Variants in GRAMD4 observed in about 807,000 individuals in gnomAD.
GRAMD4 encodes the protein GRAM domain-containing protein 4.
Under a neutral mutation model 83.9 loss-of-function variants are expected in GRAMD4, and 25 were observed. That is an observed-to-expected ratio of 0.30 (90% CI 0.22 to 0.42). The LOEUF (loss-of-function observed/expected upper bound fraction) is 0.42. Ranked by LOEUF, GRAMD4 falls within the 10% of genes least tolerant of loss-of-function variation. GRAMD4 has a pLI of 1.00. For missense variants in GRAMD4, 593 were observed against 788.7 expected (o/e 0.75, Z 2.97); for synonymous variants, 336 against 320.9 (o/e 1.05, Z -0.50).
At chr22:46,681,422 T>C (rs1227780054), downstream of GRAMD4, among the ~76,000 whole-genome samples, 1 of 152,286 alleles carries the variant, frequency 6.6e-6, no homozygotes, top group Non-Finnish European at 1.5e-5. Flanking sequence ...GTGATAACTA[T>C]TTCAGTGCAG....
intron 3 of GRAMD4, among the ~76,000 whole-genome samples, chr22:46,640,827 C>T (rs947476051): frequency 6.6e-6 from 1 of 151,014 alleles, no homozygotes; most frequent in Non-Finnish European, 1.5e-5. Flanking sequence ...CCCCGGCCCC[C>T]CGCCCCCCGC....
At chr22:46,667,799 A>G (rs2082433286) in intron 10 of GRAMD4, among the ~76,000 whole-genome samples, 1 of 152,218 alleles carries the variant, frequency 6.6e-6, no homozygotes, top group Non-Finnish European at 1.5e-5. Flanking sequence ...CCTGCCTGTA[A>G]GTGAGGGAGG....
chr22:46,653,030 G>T (rs1005244924), intron 3 of GRAMD4, among the ~76,000 whole-genome samples: 1 of 152,218 alleles, frequency 6.6e-6, no homozygotes, highest in African/African-American at 2.4e-5. Flanking sequence ...CTTGCAGGGA[G>T]CCGTGTGCTC....
At chr22:46,627,030 C>A in intron 2 of GRAMD4, 69 bp downstream of exon 2, 1 of 1,134,014 alleles carries the variant, frequency 8.8e-7, no homozygotes, top group Non-Finnish European at 1.3e-6. Context: ...CCGGGCCAAG[C>A]GTGGACTCAG....
At chr22:46,628,266 G>A (rs747323024) in intron 2 of GRAMD4, among the ~76,000 whole-genome samples, 2 of 151,886 alleles carry the variant, frequency 1.3e-5, no homozygotes, top group South Asian at 2.1e-4. Context: ...GTGTTGTCTC[G>A]GTAGGGACCC....
At chr22:46,619,275 C>CT (rs1475166033), upstream of GRAMD4, among the ~76,000 whole-genome samples, 2 of 152,172 alleles carry the variant, frequency 1.3e-5, no homozygotes, top group African/African-American at 4.8e-5. Flanking sequence ...CCTTGGGCCT[C>CT]TTTGCATCAG....
chr22:46,630,562 G>T (rs2081754523), intron 2 of GRAMD4, among the ~76,000 whole-genome samples: 1 of 152,220 alleles, frequency 6.6e-6, no homozygotes, highest in African/African-American at 2.4e-5. Flanking sequence ...GGAGGGGCAG[G>T]TTCAGACCGG....
At position 46,607,205 on chromosome 22, in the gene GRAMD4, A is replaced by AGG. The variant is rs569194023; in HGVS notation, c.-49-19539_-49-19538dup. ...CCACAGTTCCCTCGTGTCTTTAAAA[A>AGG]GGGGGGGGTCATACAGCATTAGGAG... On this transcript the variant is annotated intron_variant, in intron 1 of 1. Coordinates refer to the GRAMD4 transcript ENST00000431155. 5.9e-3 allele frequency among the ~76,000 whole-genome samples: 639 copies of AGG among 108,970 alleles called. 8 individuals carry two copies. The highest frequency in any genetic ancestry group is 0.017 in the African/African-American group (579 of 34,794). The allele number at this position is 108,970 out of a possible 152,430, so 71.5% of individuals were successfully genotyped here.
At chr22:46,586,688 C>T (rs975421034) in intron 1 of GRAMD4, among the ~76,000 whole-genome samples, 17 of 152,210 alleles carry the variant, frequency 1.1e-4, no homozygotes, top group Admixed American at 2.6e-4. Context: ...CTTCTCAGGG[C>T]GACTGGCTGC....
chr22:46,677,030 C>T, intron 18 of GRAMD4, 117 bp from the exon 19 acceptor site: 2 of 1,242,874 alleles, frequency 1.6e-6, no homozygotes, highest in South Asian at 1.3e-5. Context: ...GTCTTTTGCA[C>T]CCAGACCCAC....
Position 46,621,633 on chromosome 22 carries a change from G to A in GRAMD4, c.-50+1068G>A, listed in dbSNP as rs1197968420. The stretch of plus-strand genomic sequence containing the variant: ...CAGGCGCAGGCTGGAGGCGTAGCCC[G>A]GGCCCATCCCTGGCAGTGTGTCGCG... On this transcript the variant is annotated intron_variant, in intron 1 of 18. Coordinates refer to ENST00000406902, the MANE Select transcript of GRAMD4 (RefSeq NM_015124.5). This position sits in a 1 kb window ranked among gnomAD's most constrained non-coding sequence, Gnocchi z 5.8. Among the ~76,000 whole-genome samples, 1 of 90,118 alleles carries A rather than the reference G, an allele frequency of 1.1e-5. No homozygotes were observed. The highest frequency in any genetic ancestry group is 2.4e-5 in the Non-Finnish European group (1 of 42,282). The allele number at this position is 90,118 out of a possible 152,430, so 59.1% of individuals were successfully genotyped here. A position where few individuals can be genotyped will look rare whatever the true frequency, so the allele number is the denominator to read the frequency against.
chr22:46,614,515 C>G (rs2081449997), intron 1 of GRAMD4, among the ~76,000 whole-genome samples: 1 of 152,202 alleles, frequency 6.6e-6, no homozygotes, highest in South Asian at 2.1e-4. Context: ...CTGCATGTCT[C>G]CCTTCCACCT....
At chr22:46,598,279 G>T (rs1157475762) in intron 1 of GRAMD4, among the ~76,000 whole-genome samples, 1 of 152,114 alleles carries the variant, frequency 6.6e-6, no homozygotes, top group African/African-American at 2.4e-5. Context: ...ACCACACCTG[G>T]CTGGGTGGCG....
intron 1 of GRAMD4, among the ~76,000 whole-genome samples, chr22:46,601,194 C>T (rs924243240): frequency 6.6e-6 from 1 of 151,926 alleles, no homozygotes; most frequent in Non-Finnish European, 1.5e-5. Flanking sequence ...AGAGGGGTGC[C>T]GACATTTTGT....
intron 1 of GRAMD4, among the ~76,000 whole-genome samples, chr22:46,580,730 C>T (rs1243653462): frequency 2.0e-5 from 3 of 152,074 alleles, no homozygotes; most frequent in Admixed American, 6.6e-5. Flanking sequence ...TTTGGGAGGC[C>T]GAGGCGGGCA....
intron 1 of GRAMD4, among the ~76,000 whole-genome samples, chr22:46,598,635 G>T (rs1477585236): frequency 6.6e-6 from 1 of 151,984 alleles, no homozygotes; most frequent in Admixed American, 6.6e-5. Flanking sequence ...GTATATGGGG[G>T]TCTGCTTGGG....
chr22:46,623,104 A>G (rs1176948676), intron 1 of GRAMD4, among the ~76,000 whole-genome samples: 1 of 151,922 alleles, frequency 6.6e-6, no homozygotes, highest in Non-Finnish European at 1.5e-5. Flanking sequence ...CTCTTCACGC[A>G]CCTGTTTGCC....
At position 46,655,141 on chromosome 22, in the gene GRAMD4, C is replaced by T. The variant is rs530848169; in HGVS notation, c.284-3046C>T. The stretch of plus-strand genomic sequence containing the variant: ...GAGCAGGGCCAGCACATGCAAAAGT[C>T]CTGGGGCAGGCCCGACCCTCGGCAA... On this transcript the variant is annotated intron_variant, in intron 3 of 18. Coordinates refer to ENST00000406902, the MANE Select transcript of GRAMD4 (RefSeq NM_015124.5). 2.6e-3 allele frequency among the ~76,000 whole-genome samples: 390 copies of T among 152,264 alleles called. 1 individual carries two copies. The highest frequency in any genetic ancestry group is 9.1e-3 in the African/African-American group (378 of 41,550).
At chr22:46,676,818 G>T (rs779461941) in intron 18 of GRAMD4, 150 bp downstream of exon 18, 34 of 744,186 alleles carry the variant, frequency 4.6e-5, no homozygotes, top group Non-Finnish European at 7.2e-5. Flanking sequence ...AGCAGCTAGA[G>T]CCTGGGGCTG....
Sources: allele counts gnomAD v4.1 joint callset (sites outside exome capture counted in the v4.1 genomes callset), GRCh38; gene constraint gnomAD v4.1.1; non-coding constraint Gnocchi (gnomAD v3.1); transcripts MANE v1.5; gene names NCBI Gene and HGNC (gene_info 2026-07-23, HGNC 2026-07-21).